The following RESF1 variants were observed in gnomAD, a reference collection of about 807,000 sequenced individuals.
The protein encoded by RESF1 is gonad expressed transcript.
A neutral mutation model predicts 134.7 loss-of-function variants in RESF1; 65 were observed. The ratio of observed to expected loss-of-function variants is 0.48; its 90% CI spans 0.40 to 0.59. The LOEUF is 0.59. Ranked by LOEUF, RESF1 falls within the 20% of genes least tolerant of loss-of-function variation. The pLI, the probability that RESF1 is intolerant of heterozygous loss-of-function variation, is 0.00. For missense variants in RESF1, 2,274 were observed against 2,002.7 expected (o/e 1.14, Z -2.59); for synonymous variants, 762 against 702.2 (o/e 1.09, Z -1.35).
At chr12:31,967,615 C>T (rs1262027360) in intron 2 of RESF1, among the ~76,000 whole-genome samples, 2 of 147,722 alleles carry the variant, frequency 1.4e-5, no homozygotes, top group Non-Finnish European at 3.0e-5. Flanking sequence ...CCTGCACGCC[C>T]GCCCACCCCC....
intron 3 of RESF1, among the ~76,000 whole-genome samples, chr12:31,971,340 C>G (rs559504037): frequency 6.6e-6 from 1 of 152,160 alleles, no homozygotes; most frequent in Non-Finnish European, 1.5e-5. Context: ...CGGGGTTTCA[C>G]CAGGTTGGTC....
chr12:31,981,240 T>C lies in RESF1; in HGVS notation c.285T>C (p.Tyr95=). 3.7e-6 allele frequency: 6 copies of C among 1,614,190 alleles called. No individual in the cohort carries two copies. The highest frequency in any genetic ancestry group is 2.2e-5 in the South Asian group (2 of 91,084). The change falls in exon 4 of 6, where the codon TAT becomes TAC. Residue 95 remains tyrosine, a synonymous_variant. Transcript: ENST00000312561. Reference sequence around the variant, plus strand: ...ACACTTCAGTAGAAAGAATAACATATGCAAATGTTAATGGACCCAAACAAC... The same window carrying C: ...ACACTTCAGTAGAAAGAATAACATACGCAAATGTTAATGGACCCAAACAAC... ...ASHTSVERIT[Y]ANVNGPKQLT...
At chr12:31,964,409 T>C (rs1432023581) in intron 2 of RESF1, among the ~76,000 whole-genome samples, 1 of 152,204 alleles carries the variant, frequency 6.6e-6, no homozygotes, top group Non-Finnish European at 1.5e-5. Context: ...TTTCCTGTGT[T>C]AGTTTGCTAA....
chr12:31,974,128 G>A (rs1939575713), intron 3 of RESF1, among the ~76,000 whole-genome samples: 2 of 151,632 alleles, frequency 1.3e-5, no homozygotes. Context: ...ATGCATGGGG[G>A]AATGCATATG....
chr12:31,981,709 T>C lies in RESF1; in HGVS notation c.754T>C (p.Ser252Pro). 6.2e-7 allele frequency: 1 copy of C among 1,613,674 alleles called. No homozygotes were observed. The highest frequency in any genetic ancestry group is 8.5e-7 in the Non-Finnish European group (1 of 1,180,016). The change falls in exon 4 of 6, where the codon TCT becomes CCT. Residue 252 changes from serine (S) to proline (P), a missense_variant. Physicochemically the swap from Ser to Pro is moderately conservative, Grantham distance 74. Coordinates refer to ENST00000312561, the MANE Select transcript of RESF1 (RefSeq NM_018169.4). The part of the protein sequence containing the change: ...LQVKNSQLLN[S>P]VLTLPSRQTS... ...AGTTAAAAATAGTCAGCTTCTAAAT[T>C]CTGTATTAACTTTACCATCAAGGCA...
intron 2 of RESF1, among the ~76,000 whole-genome samples, chr12:31,968,482 T>C (rs1013704694): frequency 6.6e-6 from 1 of 150,784 alleles, no homozygotes; most frequent in Admixed American, 6.6e-5. Context: ...GGAGTCTCAC[T>C]CTTTCGCCCA....
At position 31,970,261 on chromosome 12, in the gene RESF1, A is replaced by G. The variant is rs1939476828; in HGVS notation, c.-174A>G. The G allele has an allele frequency of 1.3e-5, 2 of 152,240 alleles. No individual in the cohort carries two copies. The highest frequency in any genetic ancestry group is 2.9e-5 in the Non-Finnish European group (2 of 68,044). 9.4% of individuals were successfully genotyped at this position (152,240 alleles called of 1,614,324 possible). A position where few individuals can be genotyped will look rare whatever the true frequency, so the allele number is the denominator to read the frequency against. Reference sequence around the variant, plus strand: ...TCACAACTTCAAGAATACTTGGACTATTGGATTCAATCCATAGTAATCTGC... The same window carrying G: ...TCACAACTTCAAGAATACTTGGACTGTTGGATTCAATCCATAGTAATCTGC... On this transcript the variant is annotated 5_prime_UTR_variant, in exon 3 of 6. Coordinates refer to ENST00000312561, the MANE Select transcript of RESF1 (RefSeq NM_018169.4).
At position 31,981,639 on chromosome 12, in the gene RESF1, T is replaced by C. The variant is rs367681765; in HGVS notation, c.684T>C (p.Asp228=). The C allele has an allele frequency of 1.2e-4, 197 of 1,614,102 alleles. 1 individual carries two copies. The African/African-American group carries it at 2.3e-3, about 19-fold the overall frequency. The part of the protein sequence containing the change: ...YRYSPQSFLP[D]STIQKQNFIP... ...ACTCACCACAAAGCTTTTTACCAGA[T>C]TCTACCATTCAAAAACAAAACTTTA... The change falls in exon 4 of 6, where the codon GAT becomes GAC. Residue 228 remains aspartate (D), a synonymous_variant. Coordinates refer to ENST00000312561, the MANE Select transcript of RESF1 (RefSeq NM_018169.4).
chr12:31,982,547 C>A lies in RESF1; in HGVS notation c.1592C>A (p.Ala531Asp), dbSNP rs1939829488. ...AAAGTTCTCACTTCAAAGACATCAG[C>A]TGTTGAGATGACCCAGGCAGTATTG... is the stretch of plus-strand genomic sequence containing the variant. ...DVKVLTSKTS[A>D]VEMTQAVLNT... is the part of the protein sequence containing the mutation. Residue 531 changes from alanine to aspartate, a missense_variant, in exon 4 of 6, where the codon GCT becomes GAT. Physicochemically the swap from Ala to Asp is moderately radical, Grantham distance 126 (BLOSUM62 -2). Coordinates refer to ENST00000312561, the MANE Select transcript of RESF1 (RefSeq NM_018169.4). 6.2e-7 allele frequency: 1 copy of A among 1,613,688 alleles called. No homozygotes were observed. The highest frequency in any genetic ancestry group is 1.3e-5 in the African/African-American group (1 of 74,934).
rs1939904091 is a variant in RESF1, at chr12:31,984,449, C to T, written c.3494C>T (p.Ser1165Phe). Reference protein sequence around the residue: ...GQSRDSVILDSEKDDIHCCAL... With the variant: ...GQSRDSVILDFEKDDIHCCAL... ...AGTCGTGATTCTGTGATACTGGACT[C>T]TGAGAAAGATGATATCCACTGCTGT... Residue 1165 changes from serine to phenylalanine, a missense_variant, in exon 4 of 6, where the codon TCT (serine) becomes TTT (phenylalanine). Coordinates refer to ENST00000312561, the MANE Select transcript of RESF1 (RefSeq NM_018169.4). 1.9e-6 allele frequency: 3 copies of T among 1,614,022 alleles called. No homozygotes were observed. The highest frequency in any genetic ancestry group is 2.5e-6 in the Non-Finnish European group (3 of 1,180,006).
chr12:31,982,738 C>G lies in RESF1; in HGVS notation c.1783C>G (p.Gln595Glu), dbSNP rs1939835778. The change falls in exon 4 of 6, where the codon CAG becomes GAG. Residue 595 changes from glutamine to glutamate, a missense_variant. Coordinates refer to ENST00000312561, the MANE Select transcript of RESF1 (RefSeq NM_018169.4). ...LALLSQARKT[Q>E]KTVLKDANQT... is the part of the protein sequence containing the mutation. Reference sequence around the variant, plus strand: ...TTTGCTTTCACAGGCACGTAAGACTCAGAAGACAGTATTAAAAGATGCTAA... The same window carrying G: ...TTTGCTTTCACAGGCACGTAAGACTGAGAAGACAGTATTAAAAGATGCTAA... 5.6e-6 allele frequency: 9 copies of G among 1,613,880 alleles called. No individual in the cohort carries two copies. Among genetic ancestry groups the G allele is most frequent in the Non-Finnish European group, 7.6e-6 (9 of 1,179,860 alleles).
At chr12:31,967,160 G>A (rs570530628) in intron 2 of RESF1, among the ~76,000 whole-genome samples, 1 of 152,284 alleles carries the variant, frequency 6.6e-6, no homozygotes, top group African/African-American at 2.4e-5. Flanking sequence ...ATCTGGCTTG[G>A]TGTCATCCCG....
rs368018013 is a variant in RESF1 at position 31,984,545 on chromosome 12, C to T, written c.3590C>T (p.Ser1197Phe). ...CAGTGTAATTCCATCAAGAACTCAT[C>T]TTCAGAGGAAGAGAAACAAAAAGAG... ...QCQCNSIKNSSSEEEKQKEQC... is the reference protein window; with the variant it reads ...QCQCNSIKNSFSEEEKQKEQC... Residue 1197 changes from serine (S) to phenylalanine (F), a missense_variant, in exon 4 of 6, where the codon TCT becomes TTT. By Grantham distance (155) the Ser-to-Phe change is radical. Transcript: ENST00000312561. 2.5e-6 allele frequency: 4 copies of T among 1,590,112 alleles called. No homozygotes were observed. The South Asian group carries it at 4.6e-5, about 18-fold the overall frequency.
Position 31,981,494 on chromosome 12 carries a change from A to G in RESF1, c.539A>G (p.Tyr180Cys), listed in dbSNP as rs777279236. Reference protein sequence around the residue: ...PSNSTRLPVAYQGNQGLNQSF... With the variant: ...PSNSTRLPVACQGNQGLNQSF... ...AATTCTACACGACTTCCTGTAGCTT[A>G]CCAAGGAAATCAGGGACTTAACCAG... is the stretch of plus-strand genomic sequence containing the variant. The change falls in exon 4 of 6, where the codon TAC (tyrosine) becomes TGC (cysteine). Residue 180 changes from tyrosine (Y) to cysteine (C), a missense_variant. Transcript: ENST00000312561. The G allele has an allele frequency of 7.4e-6, 12 of 1,614,132 alleles. No homozygotes were observed. The highest frequency in any genetic ancestry group is 1.0e-5 in the Non-Finnish European group (12 of 1,179,986).
intron 2 of RESF1, among the ~76,000 whole-genome samples, chr12:31,968,649 C>T (rs572790934): frequency 5.1e-4 from 77 of 152,104 alleles, no homozygotes; most frequent in African/African-American, 1.7e-3. Flanking sequence ...GGGGTTTCAC[C>T]GTGTTAGCCA....
chr12:31,986,012 A>C, intron 4 of RESF1, 55 bp downstream of exon 4: 2 of 1,239,500 alleles, frequency 1.6e-6, no homozygotes, highest in Non-Finnish European at 2.1e-6. Context: ...TCGTAGGTCA[A>C]TATTTGGGCT....
At chr12:31,961,079 TCTTA>T (rs1440285265) in intron 2 of RESF1, among the ~76,000 whole-genome samples, 1 of 152,224 alleles carries the variant, frequency 6.6e-6, no homozygotes, top group East Asian at 1.9e-4. Context: ...CAGTTGTTAA[TCTTA>T]GCAAAATAAG....
Position 31,992,868 on chromosome 12 carries a change from G to T in RESF1, c.*333G>T. 1 of 252,828 alleles carries T rather than the reference G, an allele frequency of 4.0e-6. No individual in the cohort carries two copies. The highest frequency in any genetic ancestry group is 7.6e-6 in the Non-Finnish European group (1 of 130,878). The allele number at this position is 252,828 out of a possible 1,614,324, so 15.7% of individuals were successfully genotyped here. A position where few individuals can be genotyped will look rare whatever the true frequency, so the allele number is the denominator to read the frequency against. ...AGGACCGTTCCTCAGTTAAGGACTT[G>T]TTTATTTAAATGGGACTGTAAATAT... On this transcript the variant is annotated 3_prime_UTR_variant, in exon 6 of 6. Coordinates refer to ENST00000312561, the MANE Select transcript of RESF1 (RefSeq NM_018169.4).
intron 3 of RESF1, among the ~76,000 whole-genome samples, chr12:31,976,169 A>G (rs1245188202): frequency 2.6e-5 from 4 of 152,228 alleles, no homozygotes; most frequent in African/African-American, 9.6e-5. Context: ...TCTGATATTC[A>G]TAATGGATTT....
Sources: gnomAD v4.1 joint callset for allele counts (sites outside exome capture counted in the v4.1 genomes callset) on GRCh38, gnomAD v4.1.1 for gene constraint, MANE v1.5 for transcripts, NCBI Gene and HGNC (gene_info 2026-07-23, HGNC 2026-07-21) for gene names.